EYS: variants seen among roughly 807,000 people sequenced by gnomAD.
The protein encoded by EYS is EGF-like photoreceptor maintenance factor.
Under a neutral mutation model 282.1 loss-of-function variants are expected in EYS, and 250 were observed. The observed-to-expected ratio is 0.89, with a 90% CI of 0.80 to 0.98. The LOEUF (loss-of-function observed/expected upper bound fraction) is 0.98. Ranked by LOEUF, EYS falls within the 50% of genes least tolerant of loss-of-function variation. The pLI, the probability that EYS is intolerant of heterozygous loss-of-function variation, is 0.00. For missense variants in EYS, 4,016 were observed against 3,709.0 expected (o/e 1.08, Z -2.15); for synonymous variants, 1,355 against 1,282.9 (o/e 1.06, Z -1.20).
chr6:65,361,744 A>G (rs150982609), intron 8 of EYS, among the ~76,000 whole-genome samples: 1 of 152,064 alleles, frequency 6.6e-6, no homozygotes, highest in African/African-American at 2.4e-5. Flanking sequence ...GCCTCCCAAC[A>G]TGCTGGGATT....
chr6:64,403,421 A>G lies in EYS; in HGVS notation c.5928-14581T>C, dbSNP rs1025211216. 3.9e-5 allele frequency among the ~76,000 whole-genome samples: 6 copies of G among 152,048 alleles called. No homozygotes were observed. In the East Asian group the frequency reaches 1.2e-3, roughly 29 times the overall value. On this transcript the variant is annotated intron_variant, in intron 28 of 42. Coordinates refer to ENST00000503581, the MANE Select transcript of EYS (RefSeq NM_001142800.2). ...ACCCAGGGTGTAGTGCAGTGGTGCAATCTTGGCTCACTGCAACCTCCGCCT... is the reference window on the plus strand; with the variant it reads ...ACCCAGGGTGTAGTGCAGTGGTGCAGTCTTGGCTCACTGCAACCTCCGCCT...
intron 2 of EYS, among the ~76,000 whole-genome samples, chr6:65,546,264 C>A (rs967487923): frequency 6.7e-6 from 1 of 149,028 alleles, no homozygotes; most frequent in Non-Finnish European, 1.5e-5. Context: ...CCTGCTCAAG[C>A]TATCTGCTTA....
chr6:63,797,144 C>T (rs901356871), intron 37 of EYS: 8 of 152,064 alleles, frequency 5.3e-5, no homozygotes, highest in Non-Finnish European at 1.2e-4. Context: ...AATGATTCTG[C>T]GACAGAGACA....
intron 26 of EYS, among the ~76,000 whole-genome samples, chr6:64,564,801 C>T (rs1360722298): frequency 1.1e-5 from 1 of 94,010 alleles, no homozygotes; most frequent in East Asian, 3.2e-4. Context: ...GGGTGGGGGT[C>T]GGGGGCTAGG....
intron 41 of EYS, among the ~76,000 whole-genome samples, chr6:63,747,651 T>C (rs1256302417): frequency 6.6e-6 from 1 of 152,212 alleles, no homozygotes; most frequent in Non-Finnish European, 1.5e-5. Context: ...GTATAAATAC[T>C]TAGGATAGTT....
At chr6:64,693,128 C>T in intron 22 of EYS, among the ~76,000 whole-genome samples, 1 of 151,208 alleles carries the variant, frequency 6.6e-6, no homozygotes. Context: ...ATTAGTTCTA[C>T]TCTAGAAACT....
In EYS at chr6:65,244,797, CA is replaced by C. The variant is rs1270205411; in HGVS notation, c.2023+51065del. The stretch of plus-strand genomic sequence containing the variant: ...TCGGCCTTCCAAAGTGCTGGGATTA[CA>C]GGCTTGAGCCACCGCGCCTGGCCCG... On this transcript the variant is annotated intron_variant, in intron 12 of 42. Coordinates refer to ENST00000503581, the MANE Select transcript of EYS (RefSeq NM_001142800.2). Among the ~76,000 whole-genome samples the C allele has an allele frequency of 4.6e-5, 7 of 152,104 alleles. No individual in the cohort carries two copies. The South Asian group carries it at 1.5e-3, about 32-fold the overall frequency.
intron 26 of EYS, among the ~76,000 whole-genome samples, chr6:64,481,695 T>C (rs1776442884): frequency 7.4e-6 from 1 of 135,550 alleles, no homozygotes; most frequent in South Asian, 2.3e-4. Flanking sequence ...GAGGCCTGAA[T>C]TAATGTGATC....
intron 34 of EYS, among the ~76,000 whole-genome samples, chr6:63,985,269 T>C (rs796647709): frequency 9.2e-5 from 14 of 151,772 alleles, no homozygotes; most frequent in African/African-American, 3.4e-4. Context: ...GATGCATCTA[T>C]GGGCTAAGGA....
intron 12 of EYS, among the ~76,000 whole-genome samples, chr6:65,279,257 G>T (rs1282134444): frequency 6.6e-6 from 1 of 151,494 alleles, no homozygotes; most frequent in Admixed American, 6.6e-5. Context: ...CTGTGCTTAG[G>T]GCTCTCTCTT....
intron 5 of EYS, among the ~76,000 whole-genome samples, chr6:65,439,161 T>C (rs999802824): frequency 1.2e-4 from 18 of 152,238 alleles, no homozygotes; most frequent in Admixed American, 3.9e-4. Context: ...TTCAGATGGT[T>C]GTAGATGTGT....
chr6:63,862,824 T>C (rs1772569073), intron 36 of EYS, among the ~76,000 whole-genome samples: 1 of 119,394 alleles, frequency 8.4e-6, no homozygotes, highest in Admixed American at 8.2e-5. Context: ...CTTCTTGTAA[T>C]ATAACCCTGC....
chr6:64,954,562 G>A (rs1769625967), intron 14 of EYS, among the ~76,000 whole-genome samples: 1 of 152,054 alleles, frequency 6.6e-6, no homozygotes, highest in African/African-American at 2.4e-5. Context: ...TAGTTTTGGG[G>A]AGCATTACAT....
chr6:64,355,414 T>G (rs935161250), intron 29 of EYS, among the ~76,000 whole-genome samples: 1 of 151,490 alleles, frequency 6.6e-6, no homozygotes, highest in Non-Finnish European at 1.5e-5. Flanking sequence ...AAACTCAGAG[T>G]AGTTTCACAT....
chr6:64,105,934 A>G (rs1056400059), intron 31 of EYS, among the ~76,000 whole-genome samples: 2 of 152,150 alleles, frequency 1.3e-5, no homozygotes, highest in Admixed American at 1.3e-4. Flanking sequence ...TTTAAGCTAT[A>G]TGTGTCTTCA....
chr6:63,772,291 G>A (rs986065395), intron 40 of EYS, among the ~76,000 whole-genome samples: 1 of 152,076 alleles, frequency 6.6e-6, no homozygotes, highest in African/African-American at 2.4e-5. Context: ...CTCCTGAGTA[G>A]AAAGTTAAGT....
chr6:65,566,095 T>TAA (rs79190515), intron 2 of EYS, among the ~76,000 whole-genome samples: 12 of 148,462 alleles, frequency 8.1e-5, no homozygotes, highest in East Asian at 2.0e-4. Flanking sequence ...CTGAAAGTAT[T>TAA]AAAAAAAAAA....
intron 5 of EYS, among the ~76,000 whole-genome samples, chr6:65,471,148 A>T (rs890300116): frequency 1.3e-5 from 2 of 151,740 alleles, no homozygotes; most frequent in Non-Finnish European, 2.9e-5. Flanking sequence ...AAAAACAAAC[A>T]AACAAAAACG....
chr6:63,823,024 A>T (rs913665233), intron 36 of EYS, among the ~76,000 whole-genome samples: 2 of 152,166 alleles, frequency 1.3e-5, no homozygotes, highest in African/African-American at 4.8e-5. Context: ...TTTAGTATTG[A>T]TTAATCAAAA....
Sources: allele counts gnomAD v4.1 joint callset (sites outside exome capture counted in the v4.1 genomes callset), GRCh38; gene constraint gnomAD v4.1.1; transcripts MANE v1.5; gene names NCBI Gene and HGNC (gene_info 2026-07-23, HGNC 2026-07-21).